RIT2: variants seen among roughly 807,000 people sequenced by gnomAD.
The protein encoded by RIT2 is Ras like without CAAX 2, also known as GTP-binding protein Rit2.
RIT2 carries 24 observed loss-of-function variants against 23.7 expected under a neutral mutation model. That is an observed-to-expected ratio of 1.01 (90% confidence interval 0.73 to 1.43). The LOEUF is 1.43. RIT2 is among the 40% of genes most tolerant of loss of function. RIT2 has a pLI of 0.00. For synonymous variants in RIT2, 107 were observed against 91.1 expected (o/e 1.17, Z -0.99); for missense variants, 236 against 266.9 (o/e 0.88, Z 0.81).
intron 4 of RIT2, among the ~76,000 whole-genome samples, chr18:42,840,011 C>T (rs1335498196): frequency 6.6e-6 from 1 of 152,154 alleles, no homozygotes; most frequent in Non-Finnish European, 1.5e-5. Context: ...TGTCTGTTTT[C>T]AACTAAGGGT....
intron 3 of RIT2, among the ~76,000 whole-genome samples, chr18:42,967,301 A>AT (rs1476525589): frequency 6.6e-6 from 1 of 151,794 alleles, no homozygotes; most frequent in East Asian, 1.9e-4. Context: ...GGTCTAGATA[A>AT]TTTTTTTTCC....
At chr18:42,892,829 C>T (rs1056606745) in intron 4 of RIT2, among the ~76,000 whole-genome samples, 1 of 152,090 alleles carries the variant, frequency 6.6e-6, no homozygotes, top group African/African-American at 2.4e-5. Context: ...ATACTGAATT[C>T]ACAGTGTTGT....
chr18:42,975,850 A>G (rs913341558), intron 2 of RIT2, among the ~76,000 whole-genome samples: 1 of 152,038 alleles, frequency 6.6e-6, no homozygotes, highest in Non-Finnish European at 1.5e-5. Context: ...CTATTCTGCC[A>G]TCTTGCTGAC....
rs182632212 is a variant in RIT2 at position 42,795,672 on chromosome 18, G to T, written c.427-51952C>A. ...CTGCAGCCCGGGTGCGGGATCCACT[G>T]GGTGAAGCCAGCTGGGGTCCTGAGT... On this transcript the variant is annotated intron_variant, in intron 4 of 4. Transcript: ENST00000326695. Among the ~76,000 whole-genome samples the T allele has an allele frequency of 2.0e-5, 3 of 152,358 alleles. No homozygotes were observed. In the East Asian group the frequency reaches 5.8e-4, roughly 29 times the overall value.
intron 2 of RIT2, among the ~76,000 whole-genome samples, chr18:43,004,399 T>C (rs138847879): frequency 0.012 from 1,831 of 151,922 alleles, 26 homozygotes; most frequent in Middle Eastern, 0.058. Flanking sequence ...CCATAATCCT[T>C]AGCTTACATA....
intron 4 of RIT2, among the ~76,000 whole-genome samples, chr18:42,753,449 C>T (rs1329273875): frequency 6.6e-6 from 1 of 152,144 alleles, no homozygotes; most frequent in African/African-American, 2.4e-5. Flanking sequence ...ATGGGTCTGG[C>T]TCTTCCAACA....
At chr18:43,057,066 G>A (rs1912520736) in intron 1 of RIT2, among the ~76,000 whole-genome samples, 2 of 145,338 alleles carry the variant, frequency 1.4e-5, no homozygotes, top group African/African-American at 5.0e-5. Flanking sequence ...GGGGTGGGGG[G>A]AAGTATAAAA....
At chr18:42,814,318 G>T (rs1247808628) in intron 4 of RIT2, among the ~76,000 whole-genome samples, 1 of 152,138 alleles carries the variant, frequency 6.6e-6, no homozygotes, top group African/African-American at 2.4e-5. Flanking sequence ...CAAGCAGCGT[G>T]GGACAAGTTC....
chr18:42,873,086 G>C (rs1907660264), intron 4 of RIT2, among the ~76,000 whole-genome samples: 1 of 152,168 alleles, frequency 6.6e-6, no homozygotes, highest in Non-Finnish European at 1.5e-5. Context: ...CCTAGTCCTT[G>C]ACCTGAGGGT....
chr18:42,947,328 AT>A (rs1489674242), intron 3 of RIT2, among the ~76,000 whole-genome samples: 1 of 152,090 alleles, frequency 6.6e-6, no homozygotes, highest in East Asian at 1.9e-4. Context: ...AGCTGGATTG[AT>A]TAATTCATTT....
rs980944173 is a variant in RIT2, at chr18:42,832,163, G to A, written c.427-88443C>T. ...TGGGAAACAAATGAAGCAGCAAGGAGGAAATCGATAGAGAGGCAGCTTATG... is the reference window on the plus strand; with the variant it reads ...TGGGAAACAAATGAAGCAGCAAGGAAGAAATCGATAGAGAGGCAGCTTATG... On this transcript the variant is annotated intron_variant, in intron 4 of 4. Transcript: ENST00000326695. Among the ~76,000 whole-genome samples the A allele has an allele frequency of 6.6e-5, 10 of 152,172 alleles. No individual in the cohort carries two copies. The East Asian group carries it at 1.9e-3, about 29-fold the overall frequency.
intron 1 of RIT2, among the ~76,000 whole-genome samples, chr18:43,045,051 G>T (rs569016845): frequency 5.3e-5 from 8 of 152,116 alleles, no homozygotes; most frequent in African/African-American, 1.9e-4. Context: ...AAGAAAAATA[G>T]ACATTTTCAC....
chr18:42,975,222 A>C (rs183612866), intron 2 of RIT2, among the ~76,000 whole-genome samples: 24 of 152,188 alleles, frequency 1.6e-4, no homozygotes, highest in African/African-American at 5.5e-4. Context: ...TGATGGTGAC[A>C]TAAAGAGATG....
intron 1 of RIT2, among the ~76,000 whole-genome samples, chr18:43,093,501 C>A (rs529373194): frequency 6.7e-6 from 1 of 148,920 alleles, no homozygotes; most frequent in Non-Finnish European, 1.5e-5. Flanking sequence ...TATTTATTCC[C>A]CCTTTGTTTT....
intron 4 of RIT2, among the ~76,000 whole-genome samples, chr18:42,794,294 G>A (rs1277433491): frequency 1.3e-5 from 2 of 152,056 alleles, no homozygotes; most frequent in Non-Finnish European, 2.9e-5. Context: ...GTTCTTCCCT[G>A]ACTTAGTAGC....
intron 2 of RIT2, among the ~76,000 whole-genome samples, chr18:43,024,855 G>A (rs1336412233): frequency 1.3e-5 from 2 of 151,808 alleles, no homozygotes; most frequent in African/African-American, 4.8e-5. Flanking sequence ...TCGCTCATCA[G>A]AGGAATGCAA....
At chr18:42,937,653 T>A (rs971567559) in intron 3 of RIT2, among the ~76,000 whole-genome samples, 1 of 152,166 alleles carries the variant, frequency 6.6e-6, no homozygotes, top group African/African-American at 2.4e-5. Context: ...CTTCCTGATC[T>A]ACATTGTCTC....
chr18:43,051,962 A>C (rs554069321), intron 1 of RIT2, among the ~76,000 whole-genome samples: 1 of 152,180 alleles, frequency 6.6e-6, no homozygotes, highest in African/African-American at 2.4e-5. Flanking sequence ...TTTTTTGATT[A>C]TCACAAGCCT....
intron 4 of RIT2, among the ~76,000 whole-genome samples, chr18:42,795,349 C>T (rs1905309370): frequency 1.3e-5 from 2 of 152,224 alleles, no homozygotes; most frequent in Non-Finnish European, 2.9e-5. Context: ...CCTGCCAGCC[C>T]CGGGCAATGA....
Sources: gnomAD v4.1 joint callset for allele counts (sites outside exome capture counted in the v4.1 genomes callset) on GRCh38, gnomAD v4.1.1 for gene constraint, MANE v1.5 for transcripts, NCBI Gene and HGNC (gene_info 2026-07-23, HGNC 2026-07-21) for gene names.